Variants in ZMYM4 observed in about 807,000 individuals in gnomAD.
The protein encoded by ZMYM4 is zinc finger MYM-type protein 4.
In ZMYM4, 31 loss-of-function variants were observed where a neutral mutation model predicts 183.2. The ratio of observed to expected loss-of-function variants is 0.17; its 90% CI spans 0.13 to 0.23. The LOEUF (loss-of-function observed/expected upper bound fraction) is 0.23, where lower values mean the gene tolerates loss of function less well. Ranked by LOEUF, ZMYM4 falls within the 10% of genes least tolerant of loss-of-function variation. The pLI is 1.00. For synonymous variants in ZMYM4, 592 were observed against 631.2 expected, an observed-to-expected ratio of 0.94 and a Z score of 0.93; for missense variants, 1,273 against 1,840.3, an observed-to-expected ratio of 0.69 and a Z score of 5.64.
At chr1:35,370,161 T>A (rs1225039684) in intron 6 of ZMYM4, 48 bp downstream of exon 6, 1 of 1,589,040 alleles carries the variant, frequency 6.3e-7, no homozygotes, top group Non-Finnish European at 8.6e-7. Flanking sequence ...CTGACCAATA[T>A]GAATGAGAAG....
rs1644977972 is a variant in ZMYM4 at position 35,405,090 on chromosome 1, C to T, written c.3596C>T (p.Ser1199Leu). 6.2e-7 allele frequency: 1 copy of T among 1,614,032 alleles called. No homozygotes were observed. The highest frequency in any genetic ancestry group is 8.5e-7 in the Non-Finnish European group (1 of 1,179,992). ...ATTCAAGGAGCCTTTCAAGGCTGCTCAGTGTCCGGGATGACACTGAAATAC... is the reference window on the plus strand; with the variant it reads ...ATTCAAGGAGCCTTTCAAGGCTGCTTAGTGTCCGGGATGACACTGAAATAC... ...SLIQGAFQGC[S>L]VSGMTLKYMY... is the part of the protein sequence containing the mutation. The change falls in exon 24 of 30, where the codon TCA (serine) becomes TTA (leucine). Residue 1199 changes from serine to leucine, a missense_variant. Physicochemically the swap from Ser to Leu is moderately radical, Grantham distance 145. Around this residue, in one of 6 missense-constraint regions of ZMYM4, gnomAD observed 133 missense variants for 155.7 expected, o/e 0.85. Transcript: ENST00000314607.
intron 1 of ZMYM4, among the ~76,000 whole-genome samples, chr1:35,290,414 T>G (rs1640705008): frequency 6.6e-6 from 1 of 152,184 alleles, no homozygotes; most frequent in Non-Finnish European, 1.5e-5. Context: ...TACAGTTCTG[T>G]TTCCTGATCT....
chr1:35,355,638 T>C (rs1290007554), intron 2 of ZMYM4, among the ~76,000 whole-genome samples: 1 of 152,182 alleles, frequency 6.6e-6, no homozygotes, highest in East Asian at 1.9e-4. Flanking sequence ...TTTTCTCATC[T>C]CTAGCCATTT....
Position 35,389,948 on chromosome 1 carries a change from A to G in ZMYM4, c.2437A>G (p.Met813Val). 6.2e-7 allele frequency: 1 copy of G among 1,602,548 alleles called. No individual in the cohort carries two copies. The highest frequency in any genetic ancestry group is 1.1e-5 in the South Asian group (1 of 89,470). The change falls in exon 15 of 30, where the codon ATG (methionine) becomes GTG (valine). Residue 813 changes from methionine to valine, a missense_variant and splice_region_variant. Met to Val is a conservative substitution (Grantham distance 21). Transcript: ENST00000314607. This position sits in a 1 kb window ranked among gnomAD's most constrained non-coding sequence, Gnocchi z 4.0. ...MSKYTVLFYQ[M>V]AKCDACKRQG... The stretch of plus-strand genomic sequence containing the variant: ...TCCTTGACTACCTTCTTCTTTTTAG[A>G]TGGCCAAATGTGATGCTTGTAAGCG...
chr1:35,286,929 A>G (rs969870223), intron 1 of ZMYM4, among the ~76,000 whole-genome samples: 1 of 150,768 alleles, frequency 6.6e-6, no homozygotes, highest in African/African-American at 2.4e-5. Flanking sequence ...GCCCTAGCTT[A>G]TCTTTCTGTT....
Position 35,421,154 on chromosome 1 carries a change from G to A in ZMYM4, c.*1477G>A, listed in dbSNP as rs569965394. ...TTCAGGGTATCTCATTTTTTAGGTGGGGGTGGCAGGTGTATTTCTTTTTTA... is the reference window on the plus strand; with the variant it reads ...TTCAGGGTATCTCATTTTTTAGGTGAGGGTGGCAGGTGTATTTCTTTTTTA... On this transcript the variant is annotated 3_prime_UTR_variant, in exon 30 of 30. Coordinates refer to ENST00000314607, the MANE Select transcript of ZMYM4 (RefSeq NM_005095.3). 2 of 152,678 alleles carry A rather than the reference G, an allele frequency of 1.3e-5. No homozygotes were observed. Among genetic ancestry groups the A allele is most frequent in the South Asian group, 4.1e-4 (2 of 4,822 alleles). The allele number at this position is 152,678 out of a possible 1,614,324, so 9.5% of individuals were successfully genotyped here. A position where few individuals can be genotyped will look rare whatever the true frequency, so the allele number is the denominator to read the frequency against.
intron 2 of ZMYM4, among the ~76,000 whole-genome samples, chr1:35,346,876 A>G (rs1192044696): frequency 6.6e-6 from 1 of 152,232 alleles, no homozygotes; most frequent in Non-Finnish European, 1.5e-5. Flanking sequence ...GCTGTGGTCA[A>G]CAAATATGAC....
intron 26 of ZMYM4, among the ~76,000 whole-genome samples, chr1:35,411,131 A>ACC (rs1356382247): frequency 2.0e-5 from 3 of 150,446 alleles, no homozygotes; most frequent in Admixed American, 2.0e-4. Context: ...AAATCTTTTG[A>ACC]CCAAATATAG....
intron 1 of ZMYM4, among the ~76,000 whole-genome samples, chr1:35,282,123 G>C (rs1640201524): frequency 6.6e-6 from 1 of 152,204 alleles, no homozygotes; most frequent in Admixed American, 6.5e-5. Flanking sequence ...ATTTGTTTGA[G>C]TCCTTGCTTT....
At chr1:35,314,397 G>A (rs1480174144) in intron 1 of ZMYM4, among the ~76,000 whole-genome samples, 1 of 151,746 alleles carries the variant, frequency 6.6e-6, no homozygotes, top group Non-Finnish European at 1.5e-5. Context: ...CGATTCTCCT[G>A]CCTCAGCCTC....
chr1:35,362,327 G>A (rs568346990), intron 5 of ZMYM4, among the ~76,000 whole-genome samples: 1 of 152,334 alleles, frequency 6.6e-6, no homozygotes, highest in South Asian at 2.1e-4. Context: ...AGTAATAAGA[G>A]TGAAGGTAGA....
rs752285527 is a variant in ZMYM4 at position 35,396,601 on chromosome 1, A to G, written c.2961A>G (p.Pro987=). Residue 987 remains proline (P), a synonymous_variant, in exon 19 of 30, where the codon CCA becomes CCG. Coordinates refer to ENST00000314607, the MANE Select transcript of ZMYM4 (RefSeq NM_005095.3). Reference sequence around the variant, plus strand: ...TTATTGTGGTGCCAGTTCCCGTACCAGTGTTTGTTCCCATACCTCTTCACC... The same window carrying G: ...TTATTGTGGTGCCAGTTCCCGTACCGGTGTTTGTTCCCATACCTCTTCACC... ...PQIIVVPVPV[P]VFVPIPLHLY... is the part of the protein sequence containing the mutation. The G allele has an allele frequency of 1.2e-6, 2 of 1,613,936 alleles. No homozygotes were observed. Among genetic ancestry groups the G allele is most frequent in the South Asian group, 2.2e-5 (2 of 91,076 alleles).
chr1:35,295,260 G>C lies in ZMYM4; in HGVS notation c.39+26175G>C, dbSNP rs534250031. 2.6e-5 allele frequency among the ~76,000 whole-genome samples: 4 copies of C among 152,324 alleles called. No homozygotes were observed. The East Asian group carries it at 7.7e-4, about 29-fold the overall frequency. On this transcript the variant is annotated intron_variant, in intron 1 of 29. Coordinates refer to ENST00000314607, the MANE Select transcript of ZMYM4 (RefSeq NM_005095.3). ...TTCTGAACAGTGGCAGTTAAGCAAA[G>C]ATCTGAAAGAAATGAGAAGTCATAT...
chr1:35,398,013 A>G (rs1317390668), intron 20 of ZMYM4, among the ~76,000 whole-genome samples: 1 of 152,222 alleles, frequency 6.6e-6, no homozygotes, highest in Non-Finnish European at 1.5e-5. Context: ...TACTCTAGGC[A>G]TTGTGCTCAG....
intron 3 of ZMYM4, 51 bp downstream of exon 3, chr1:35,359,497 C>A (rs1409823381): frequency 6.9e-7 from 1 of 1,453,444 alleles, no homozygotes; most frequent in Non-Finnish European, 9.2e-7. Flanking sequence ...AATTACCGAT[C>A]ATAATATATA....
intron 1 of ZMYM4, among the ~76,000 whole-genome samples, chr1:35,284,413 GTTTAGGTCTTTAA>G (rs1473804638): frequency 1.3e-5 from 2 of 152,190 alleles, no homozygotes; most frequent in Non-Finnish European, 2.9e-5. Flanking sequence ...GAGTTTTAGT[GTTTAGGTCTTTAA>G]TTTAGGTCTT....
In ZMYM4 at chr1:35,389,877, G is replaced by A; in HGVS notation, c.2437-71G>A. 1 of 1,509,118 alleles carries A rather than the reference G, an allele frequency of 6.6e-7. No individual in the cohort carries two copies. Among genetic ancestry groups the A allele is most frequent in the Non-Finnish European group, 8.9e-7 (1 of 1,117,390 alleles). 93.5% of individuals were successfully genotyped at this position (1,509,118 alleles called of 1,614,324 possible). On this transcript the variant is annotated intron_variant, in intron 14 of 29. Coordinates refer to ENST00000314607, the MANE Select transcript of ZMYM4 (RefSeq NM_005095.3). This position sits in a 1 kb window ranked among gnomAD's most constrained non-coding sequence, Gnocchi z 4.0. The stretch of plus-strand genomic sequence containing the variant: ...AAGTTAATTTCGTCACTTGTTATGT[G>A]TGTCTTATTTTTATTTTGTCAGACC...
At chr1:35,364,432 C>G (rs1192779794) in intron 5 of ZMYM4, among the ~76,000 whole-genome samples, 1 of 152,192 alleles carries the variant, frequency 6.6e-6, no homozygotes, top group Non-Finnish European at 1.5e-5. Flanking sequence ...ATGTTATAAA[C>G]TAGATATGTG....
At chr1:35,298,501 T>C (rs770182771) in intron 1 of ZMYM4, among the ~76,000 whole-genome samples, 4 of 152,142 alleles carry the variant, frequency 2.6e-5, no homozygotes, top group Admixed American at 6.5e-5. Flanking sequence ...CTGTCTCCCA[T>C]AGGGGTGCTG....
Sources: allele counts gnomAD v4.1 joint callset (sites outside exome capture counted in the v4.1 genomes callset), GRCh38; gene constraint gnomAD v4.1.1; regional missense constraint gnomAD v4.1.1; non-coding constraint Gnocchi (gnomAD v3.1); transcripts MANE v1.5; gene names NCBI Gene and HGNC (gene_info 2026-07-23, HGNC 2026-07-21).